The following RAI14 variants were observed in gnomAD, a reference collection of about 807,000 sequenced individuals.
The protein encoded by RAI14 is ankycorbin.
In RAI14, 45 loss-of-function variants were observed where a neutral mutation model predicts 115.4. The observed-to-expected ratio is 0.39, with a 90% confidence interval of 0.31 to 0.50. RAI14 has a LOEUF of 0.50. RAI14 is among the 20% of genes least tolerant of loss of function. RAI14 has a pLI of 0.85. For synonymous variants in RAI14, 371 were observed against 415.4 expected, an observed-to-expected ratio of 0.89 and a Z score of 1.30; for missense variants, 939 against 1,131.2, an observed-to-expected ratio of 0.83 and a Z score of 2.44.
chr5:34,807,958 CTT>C (rs1755124957), intron 6 of RAI14, 101 bp downstream of exon 6: 2 of 922,090 alleles, frequency 2.2e-6, no homozygotes, highest in Non-Finnish European at 3.6e-6. Flanking sequence ...TCCTGGTGCT[CTT>C]TTCTGTCATC....
intron 2 of RAI14, among the ~76,000 whole-genome samples, chr5:34,705,311 A>G (rs1043462327): frequency 6.6e-6 from 1 of 152,198 alleles, no homozygotes; most frequent in Admixed American, 6.5e-5. Context: ...AGTATGAAAA[A>G]AAGTAAAATA....
intron 2 of RAI14, among the ~76,000 whole-genome samples, chr5:34,695,803 C>CTTTTTTTTTTTTT (rs376091071): frequency 7.8e-6 from 1 of 128,966 alleles, no homozygotes; most frequent in Non-Finnish European, 1.6e-5. Flanking sequence ...AAGCACTTTC[C>CTTTTTTTTTTTTT]TTTTTTTTTT....
chr5:34,808,839 C>T (rs1755233556), intron 7 of RAI14, among the ~76,000 whole-genome samples, 185 bp downstream of exon 7: 1 of 152,178 alleles, frequency 6.6e-6, no homozygotes, highest in African/African-American at 2.4e-5. Flanking sequence ...GAAACTACTG[C>T]AGCTCAGGTC....
At chr5:34,807,067 CTTA>C (rs1027014403) in intron 5 of RAI14, among the ~76,000 whole-genome samples, 2 of 152,116 alleles carry the variant, frequency 1.3e-5, no homozygotes, top group African/African-American at 4.8e-5. Flanking sequence ...TTACATAGCA[CTTA>C]TTGTTGTCAC....
chr5:34,757,643 T>G (rs983798338), intron 3 of RAI14, 45 bp downstream of exon 3: 16 of 1,558,414 alleles, frequency 1.0e-5, no homozygotes, highest in Non-Finnish European at 1.3e-5. Context: ...TCTGGGTTTT[T>G]GGGGTGTTCT....
chr5:34,666,887 G>A (rs1219555279), intron 1 of RAI14, among the ~76,000 whole-genome samples: 1 of 152,218 alleles, frequency 6.6e-6, no homozygotes, highest in Non-Finnish European at 1.5e-5. Flanking sequence ...ATCTCTGGAT[G>A]AATGACAAGC....
In RAI14 at chr5:34,751,442, C is replaced by T. The variant is rs1329325917; in HGVS notation, c.37-6026C>T. Among the ~76,000 whole-genome samples the T allele has an allele frequency of 2.6e-5, 4 of 152,268 alleles. No individual in the cohort carries two copies. In the South Asian group the frequency reaches 6.2e-4, roughly 24 times the overall value. On this transcript the variant is annotated intron_variant, in intron 2 of 17. Coordinates refer to ENST00000265109, the MANE Select transcript of RAI14 (RefSeq NM_015577.3). The stretch of plus-strand genomic sequence containing the variant: ...ACAGGTGTGAGCCACCTCACCCAGG[C>T]TATAATTTTATCATCTGTATATACA...
intron 2 of RAI14, among the ~76,000 whole-genome samples, chr5:34,751,268 G>A (rs1043790274): frequency 2.0e-5 from 3 of 150,448 alleles, no homozygotes; most frequent in African/African-American, 7.4e-5. Flanking sequence ...TCAGCCTCCC[G>A]AGAAGCTGGG....
intron 2 of RAI14, among the ~76,000 whole-genome samples, chr5:34,691,155 G>A (rs117932238): frequency 2.0e-5 from 3 of 152,224 alleles, no homozygotes; most frequent in East Asian, 3.9e-4. Flanking sequence ...TTGGGAAGAG[G>A]GGGAAAGGTC....
intron 3 of RAI14, among the ~76,000 whole-genome samples, chr5:34,789,400 A>G (rs928222097): frequency 2.0e-5 from 3 of 152,208 alleles, no homozygotes; most frequent in Non-Finnish European, 4.4e-5. Context: ...TCCGAGGCTA[A>G]ATGTTAATGG....
At chr5:34,741,790 A>G (rs915406792) in intron 2 of RAI14, among the ~76,000 whole-genome samples, 1 of 152,228 alleles carries the variant, frequency 6.6e-6, no homozygotes, top group African/African-American at 2.4e-5. Flanking sequence ...ACAAGAGTAC[A>G]TCACTATGAG....
intron 1 of RAI14, among the ~76,000 whole-genome samples, chr5:34,663,618 T>C (rs1430719588): frequency 6.6e-6 from 1 of 152,232 alleles, no homozygotes; most frequent in East Asian, 1.9e-4. Flanking sequence ...AAGCATGCCT[T>C]GTTCTTCAAT....
At chr5:34,805,868 A>T (rs748257520) in intron 5 of RAI14, among the ~76,000 whole-genome samples, 30 of 151,794 alleles carry the variant, frequency 2.0e-4, no homozygotes, top group Admixed American at 6.6e-5. Flanking sequence ...AACAACAAAA[A>T]ACAAATGAGC....
intron 1 of RAI14, among the ~76,000 whole-genome samples, chr5:34,680,314 G>A (rs1744295094): frequency 6.6e-6 from 1 of 152,162 alleles, no homozygotes; most frequent in African/African-American, 2.4e-5. Context: ...CTGGAGTTTG[G>A]GAAGCCCAAG....
At chr5:34,778,795 A>G (rs1751235160) in intron 3 of RAI14, among the ~76,000 whole-genome samples, 1 of 151,406 alleles carries the variant, frequency 6.6e-6, no homozygotes, top group African/African-American at 2.4e-5. Context: ...GTATAAATAT[A>G]TTGGCATATA....
chr5:34,665,009 A>ATATATGTGTATATATATATATGTG (rs1561220443), intron 1 of RAI14, among the ~76,000 whole-genome samples: 1 of 73,890 alleles, frequency 1.4e-5, no homozygotes, highest in Non-Finnish European at 2.8e-5. Context: ...ATGTGTATAT[A>ATATATGTGTATATATATATATGTG]TATATATATG....
chr5:34,741,939 C>G (rs771254086), intron 2 of RAI14, among the ~76,000 whole-genome samples: 1 of 152,024 alleles, frequency 6.6e-6, no homozygotes, highest in Non-Finnish European at 1.5e-5. Context: ...GTCATTGTGC[C>G]CCAGGAGCTT....
chr5:34,728,937 T>C (rs888972763), intron 2 of RAI14, among the ~76,000 whole-genome samples: 1 of 151,714 alleles, frequency 6.6e-6, no homozygotes, highest in Admixed American at 6.6e-5. Context: ...ACAAAAGATT[T>C]CAGAGATACA....
chr5:34,732,303 C>T (rs988776471), intron 2 of RAI14, among the ~76,000 whole-genome samples: 1 of 151,932 alleles, frequency 6.6e-6, no homozygotes, highest in African/African-American at 2.4e-5. Context: ...CCCATGGACT[C>T]GACAGTATAT....
Sources: allele counts gnomAD v4.1 joint callset (sites outside exome capture counted in the v4.1 genomes callset), GRCh38; gene constraint gnomAD v4.1.1; transcripts MANE v1.5; gene names NCBI Gene and HGNC (gene_info 2026-07-23, HGNC 2026-07-21).